ABCB1: variants seen among roughly 807,000 people sequenced by gnomAD.
ABCB1 encodes the protein ATP-dependent translocase ABCB1.
Under a neutral mutation model 142.0 loss-of-function variants are expected in ABCB1, and 69 were observed. That is an observed-to-expected ratio of 0.49 (90% CI 0.40 to 0.59). The LOEUF is 0.59. ABCB1 is among the 20% of genes least tolerant of loss of function. The pLI is 0.00. For missense variants in ABCB1, 1,326 were observed against 1,554.7 expected (o/e 0.85, Z 2.47); for synonymous variants, 532 against 539.2 (o/e 0.99, Z 0.18).
intron 17 of ABCB1, among the ~76,000 whole-genome samples, chr7:87,543,910 C>T (rs1584864359): frequency 6.6e-6 from 1 of 152,190 alleles, no homozygotes; most frequent in East Asian, 1.9e-4. Flanking sequence ...CTTTAGTTGC[C>T]CAGGTTAGAA....
At chr7:87,689,402 G>C (rs1207930179) in intron 1 of ABCB1, among the ~76,000 whole-genome samples, 2 of 152,006 alleles carry the variant, frequency 1.3e-5, no homozygotes, top group Non-Finnish European at 2.9e-5. Context: ...TGCAGTACTT[G>C]TAATGAGCAA....
chr7:87,516,733 T>C, intron 23 of ABCB1, 68 bp from the exon 24 acceptor site: 6 of 390,016 alleles, frequency 1.5e-5, no homozygotes, highest in Non-Finnish European at 2.0e-5. Flanking sequence ...TGACACTCCT[T>C]TTTTTTTTTT....
chr7:87,544,338 AC>A, intron 16 of ABCB1, 63 bp from the exon 17 acceptor site: 1 of 1,520,850 alleles, frequency 6.6e-7, no homozygotes, highest in Non-Finnish European at 9.1e-7. Context: ...ATTCTTACAT[AC>A]GCACAAAAAT....
chr7:87,539,811 A>G (rs984250553), intron 18 of ABCB1, among the ~76,000 whole-genome samples: 3 of 152,196 alleles, frequency 2.0e-5, no homozygotes, highest in Non-Finnish European at 2.9e-5. Context: ...GCTAGGTTCC[A>G]GTCCCCCCAA....
At chr7:87,702,464 G>A (rs913569178) in intron 1 of ABCB1, among the ~76,000 whole-genome samples, 3 of 151,918 alleles carry the variant, frequency 2.0e-5, no homozygotes, top group African/African-American at 7.3e-5. Context: ...ATTTTTTGTA[G>A]AGATAATATC....
chr7:87,654,937 GGT>G (rs1211947317), intron 1 of ABCB1, among the ~76,000 whole-genome samples: 1 of 151,946 alleles, frequency 6.6e-6, no homozygotes, highest in East Asian at 1.9e-4. Flanking sequence ...TATATAAAAA[GGT>G]GCTCAAAATC....
intron 21 of ABCB1, among the ~76,000 whole-genome samples, chr7:87,523,595 C>T (rs1302600975): frequency 6.6e-6 from 1 of 152,188 alleles, no homozygotes; most frequent in Non-Finnish European, 1.5e-5. Context: ...GCACTCTAGC[C>T]TGGGCAACAG....
chr7:87,710,480 G>T (rs938451142), intron 1 of ABCB1: 21 of 712,678 alleles, frequency 2.9e-5, no homozygotes, highest in Non-Finnish European at 4.3e-5. Context: ...TTGAATGGCT[G>T]TTCTTTACAT....
At chr7:87,512,046 A>G (rs970240556) in intron 25 of ABCB1, among the ~76,000 whole-genome samples, 13 of 152,182 alleles carry the variant, frequency 8.5e-5, no homozygotes, top group African/African-American at 3.1e-4. Context: ...TGTAGTCAGG[A>G]AGCTCTTCCC....
At chr7:87,627,207 T>C (rs1366931162) in intron 1 of ABCB1, among the ~76,000 whole-genome samples, 1 of 152,202 alleles carries the variant, frequency 6.6e-6, no homozygotes, top group Non-Finnish European at 1.5e-5. Context: ...TTTACAACTT[T>C]ATTACACAAA....
chr7:87,565,296 T>C (rs993194346), intron 7 of ABCB1, among the ~76,000 whole-genome samples: 1 of 152,226 alleles, frequency 6.6e-6, no homozygotes, highest in South Asian at 2.1e-4. Flanking sequence ...CTGAGTTGTG[T>C]TGAACTCCAC....
At chr7:87,512,190 A>ATT (rs5885587) in intron 25 of ABCB1, among the ~76,000 whole-genome samples, 98 of 149,542 alleles carry the variant, frequency 6.6e-4, no homozygotes, top group African/African-American at 2.2e-3. Flanking sequence ...TAAAAAAAAA[A>ATT]TTTTTTTTTT....
chr7:87,650,089 T>C (rs1290882229), intron 1 of ABCB1, among the ~76,000 whole-genome samples: 2 of 152,168 alleles, frequency 1.3e-5, no homozygotes, highest in Non-Finnish European at 2.9e-5. Context: ...CACGTCCTAT[T>C]TTATTCTATT....
intron 1 of ABCB1, among the ~76,000 whole-genome samples, chr7:87,703,878 G>C (rs1309490760): frequency 6.3e-5 from 1 of 15,954 alleles, no homozygotes; most frequent in Non-Finnish European, 1.3e-4. Flanking sequence ...AGCTTTATCA[G>C]TTTTTTCTTT....
chr7:87,641,207 C>T (rs905973150), intron 1 of ABCB1, among the ~76,000 whole-genome samples: 1 of 152,144 alleles, frequency 6.6e-6, no homozygotes, highest in African/African-American at 2.4e-5. Context: ...TTCATAAGAA[C>T]ATAGTATACA....
chr7:87,553,200 G>A (rs1278642088), intron 9 of ABCB1, among the ~76,000 whole-genome samples: 2 of 151,948 alleles, frequency 1.3e-5, no homozygotes, highest in Non-Finnish European at 2.9e-5. Context: ...TCATGCTATT[G>A]AGATTGCTAA....
chr7:87,703,510 C>T (rs1829272831), intron 1 of ABCB1, among the ~76,000 whole-genome samples: 1 of 152,316 alleles, frequency 6.6e-6, no homozygotes, highest in Admixed American at 6.5e-5. Flanking sequence ...GTTAAAGCCA[C>T]TGCTCCCTCC....
intron 25 of ABCB1, among the ~76,000 whole-genome samples, chr7:87,513,073 C>G (rs1815087366): frequency 6.6e-6 from 1 of 152,204 alleles, no homozygotes; most frequent in African/African-American, 2.4e-5. Context: ...CTGTGGTAAG[C>G]TAACGGCTTA....
chr7:87,628,580 CGTGCGT>C (rs1159159897), intron 1 of ABCB1: 310 of 292,748 alleles, frequency 1.1e-3, no homozygotes, highest in Admixed American at 5.1e-3. Context: ...GTGGTGCGTG[CGTGCGT>C]GTGTGTGTGT....
Sources: gnomAD v4.1 joint callset for allele counts (sites outside exome capture counted in the v4.1 genomes callset) on GRCh38, gnomAD v4.1.1 for gene constraint, MANE v1.5 for transcripts, NCBI Gene and HGNC (gene_info 2026-07-23, HGNC 2026-07-21) for gene names.